AGBL1: variants seen among roughly 807,000 people sequenced by gnomAD.
AGBL1 encodes the protein cytosolic carboxypeptidase 4.
Under a neutral mutation model 118.9 loss-of-function variants are expected in AGBL1, and 130 were observed. That is an observed-to-expected ratio of 1.09 (90% CI 0.95 to 1.26). The LOEUF (loss-of-function observed/expected upper bound fraction) is 1.26, where lower values mean the gene tolerates loss of function less well. Ranked by LOEUF, AGBL1 falls within the 50% of genes most tolerant of loss-of-function variation. The pLI is 0.00. For synonymous variants in AGBL1, 555 were observed against 478.9 expected (o/e 1.16, Z -2.08); for missense variants, 1,584 against 1,298.1 (o/e 1.22, Z -3.38).
At chr15:86,973,565 A>G (rs1191048049) in intron 23 of AGBL1, among the ~76,000 whole-genome samples, 3 of 151,916 alleles carry the variant, frequency 2.0e-5, no homozygotes, top group African/African-American at 4.8e-5. Context: ...CAATCATCCA[A>G]AAGCATCTCT....
At chr15:86,541,433 A>G (rs186226709) in intron 19 of AGBL1, among the ~76,000 whole-genome samples, 216 of 152,166 alleles carry the variant, frequency 1.4e-3, no homozygotes, top group Non-Finnish European at 2.1e-3. Flanking sequence ...CTACAAAAGT[A>G]TTTTAAAAAT....
At chr15:86,824,983 G>T (rs916436199) in intron 22 of AGBL1, among the ~76,000 whole-genome samples, 23 of 152,142 alleles carry the variant, frequency 1.5e-4, no homozygotes, top group African/African-American at 5.1e-4. Context: ...CATGAAGCCA[G>T]GAGGTGGATG....
At chr15:86,740,936 C>G (rs565496486) in intron 22 of AGBL1, among the ~76,000 whole-genome samples, 1 of 152,122 alleles carries the variant, frequency 6.6e-6, no homozygotes, top group Non-Finnish European at 1.5e-5. Context: ...AGAGGATACA[C>G]AGTTGACTAT....
In AGBL1 at chr15:86,421,332, A is replaced by T. The variant is rs139923365; in HGVS notation, c.2555+23786A>T. Among the ~76,000 whole-genome samples the T allele has an allele frequency of 5.6e-3, 846 of 152,256 alleles. 10 individuals carry two copies. The highest frequency in any genetic ancestry group is 0.018 in the African/African-American group (729 of 41,570). ...CAACATTCTTAAAGAAAAAAAACTC[A>T]GAATTTCATATCCAGCCAAACTAAG... is the stretch of plus-strand genomic sequence containing the variant. On this transcript the variant is annotated intron_variant, in intron 18 of 22. Coordinates refer to ENST00000614907, the MANE Select transcript of AGBL1 (RefSeq NM_001386094.1).
intron 21 of AGBL1, among the ~76,000 whole-genome samples, chr15:86,563,788 G>A (rs1045321633): frequency 6.6e-6 from 1 of 152,120 alleles, no homozygotes; most frequent in African/African-American, 2.4e-5. Flanking sequence ...AGGTCTCTAA[G>A]GACTTGCTTT....
intron 7 of AGBL1, among the ~76,000 whole-genome samples, chr15:86,249,135 A>T (rs2141995903): frequency 6.6e-6 from 1 of 152,268 alleles, no homozygotes; most frequent in Non-Finnish European, 1.5e-5. Flanking sequence ...TGCCCTCCTT[A>T]TTGGTGATAT....
intron 24 of AGBL1, among the ~76,000 whole-genome samples, chr15:87,005,952 AG>A (rs2081496029): frequency 6.6e-6 from 1 of 152,212 alleles, no homozygotes; most frequent in South Asian, 2.1e-4. Context: ...AGTTTGCTGG[AG>A]GTCCACTCCA....
At chr15:86,363,993 T>A (rs2080842633) in intron 17 of AGBL1, among the ~76,000 whole-genome samples, 1 of 152,200 alleles carries the variant, frequency 6.6e-6, no homozygotes, top group Non-Finnish European at 1.5e-5. Context: ...TTCTTTCAGG[T>A]GAGCATCCTG....
intron 21 of AGBL1, among the ~76,000 whole-genome samples, chr15:86,660,812 T>C (rs1414464024): frequency 6.6e-6 from 1 of 152,160 alleles, no homozygotes; most frequent in Non-Finnish European, 1.5e-5. Flanking sequence ...CTGCAGACTC[T>C]AATGTATATT....
At chr15:86,093,763 A>G (rs1896180562) in intron 1 of AGBL1, among the ~76,000 whole-genome samples, 4 of 152,208 alleles carry the variant, frequency 2.6e-5, no homozygotes, top group Admixed American at 2.0e-4. Context: ...GCTGAAGGGC[A>G]GGCAAGATAC....
chr15:87,003,450 T>C (rs1025294846), intron 24 of AGBL1, among the ~76,000 whole-genome samples: 1 of 151,990 alleles, frequency 6.6e-6, no homozygotes, highest in African/African-American at 2.4e-5. Context: ...TTTTTTGTTG[T>C]GTCTCTGCCA....
chr15:86,839,547 G>C (rs1307737705), intron 22 of AGBL1, among the ~76,000 whole-genome samples: 3 of 152,148 alleles, frequency 2.0e-5, no homozygotes, highest in Non-Finnish European at 4.4e-5. Flanking sequence ...GATATTTTAG[G>C]TGGGATAATA....
Position 86,945,488 on chromosome 15 carries a change from G to T in AGBL1, c.3222-42499G>T, listed in dbSNP as rs556682618. 6.1e-4 allele frequency among the ~76,000 whole-genome samples: 92 copies of T among 151,834 alleles called. 1 individual carries two copies. Among genetic ancestry groups the T allele is most frequent in the South Asian group, 5.8e-3 (28 of 4,804 alleles). ...GATTGAGAACAGCCTGGGCAACCTGGTGAAACCCCGTCTCTACAAAAAATA... is the reference window on the plus strand; with the variant it reads ...GATTGAGAACAGCCTGGGCAACCTGTTGAAACCCCGTCTCTACAAAAAATA... On this transcript the variant is annotated intron_variant, in intron 23 of 24. Transcript: ENST00000441037.
chr15:86,842,903 C>G lies in AGBL1; in HGVS notation c.3159-64184C>G, dbSNP rs530780524. Among the ~76,000 whole-genome samples the G allele has an allele frequency of 2.8e-4, 43 of 152,180 alleles. No individual in the cohort carries two copies. The South Asian group carries it at 8.7e-3, about 31-fold the overall frequency. On this transcript the variant is annotated intron_variant, in intron 22 of 22. Coordinates refer to ENST00000614907, the MANE Select transcript of AGBL1 (RefSeq NM_001386094.1). ...GTCTTTAGCGGGGTTACACTCCCTC[C>G]CCTTTGCTTCCTTAATGATCTCATT...
chr15:86,970,961 A>G (rs1017975689), intron 23 of AGBL1, among the ~76,000 whole-genome samples: 3 of 152,086 alleles, frequency 2.0e-5, no homozygotes, highest in Non-Finnish European at 4.4e-5. Context: ...AGGTATTACA[A>G]GTAATCTAGA....
At chr15:86,652,664 C>T (rs1157391403) in intron 21 of AGBL1, among the ~76,000 whole-genome samples, 1 of 152,154 alleles carries the variant, frequency 6.6e-6, no homozygotes, top group Admixed American at 6.6e-5. Flanking sequence ...GAACCCTATT[C>T]TGAGACTCAT....
intron 22 of AGBL1, among the ~76,000 whole-genome samples, chr15:86,685,993 C>A (rs1461285158): frequency 6.6e-6 from 1 of 152,102 alleles, no homozygotes; most frequent in African/African-American, 2.4e-5. Context: ...TCCCAATGAT[C>A]TAAACTTTTC....
intron 5 of AGBL1, among the ~76,000 whole-genome samples, chr15:86,223,883 G>A (rs1288813287): frequency 1.3e-5 from 2 of 152,188 alleles, no homozygotes; most frequent in African/African-American, 2.4e-5. Flanking sequence ...ATATTGCAAA[G>A]TGAGCTTTCA....
chr15:86,830,774 A>G (rs939536360), intron 22 of AGBL1, among the ~76,000 whole-genome samples: 1 of 152,186 alleles, frequency 6.6e-6, no homozygotes, highest in African/African-American at 2.4e-5. Flanking sequence ...TAGGTACTCC[A>G]GGCTATGATT....
Sources: gnomAD v4.1 joint callset for allele counts (sites outside exome capture counted in the v4.1 genomes callset) on GRCh38, gnomAD v4.1.1 for gene constraint, MANE v1.5 for transcripts, NCBI Gene and HGNC (gene_info 2026-07-23, HGNC 2026-07-21) for gene names.